The following UFD1 variants were observed in gnomAD, a reference collection of about 807,000 sequenced individuals.
UFD1 encodes ubiquitin recognition factor in ER associated degradation 1.
In UFD1, 13 loss-of-function variants were observed where a neutral mutation model predicts 45.9. The ratio of observed to expected loss-of-function variants is 0.28; its 90% CI spans 0.18 to 0.45. UFD1 has a LOEUF of 0.45. Ranked by LOEUF, UFD1 falls within the 20% of genes least tolerant of loss-of-function variation. The pLI is 1.00. For synonymous variants in UFD1, 128 were observed against 139.2 expected, an observed-to-expected ratio of 0.92 and a Z score of 0.56; for missense variants, 218 against 389.2, an observed-to-expected ratio of 0.56 and a Z score of 3.70.
rs1360436770 is a variant in UFD1, at chr22:19,456,811, G to C, written c.630+42C>G. On this transcript the variant is annotated intron_variant, in intron 8 of 11. Transcript: ENST00000263202. The stretch of plus-strand genomic sequence containing the variant: ...AGCCACTGCCAGGAACTCAAAAGCA[G>C]CATGCAGCAGGACAGCAAAGGACAC... The C allele has an allele frequency of 7.4e-6, 12 of 1,614,062 alleles. No homozygotes were observed. The East Asian group carries it at 2.7e-4, about 36-fold the overall frequency.
chr22:19,475,132 A>C, intron 2 of UFD1, 32 bp from the exon 3 acceptor site: 1 of 1,589,204 alleles, frequency 6.3e-7, no homozygotes, highest in Admixed American at 1.7e-5. Context: ...AATATTAAAA[A>C]ATAAAAATAA....
At chr22:19,451,413 C>A (rs2089681782) in intron 11 of UFD1, 2 of 985,254 alleles carry the variant, frequency 2.0e-6, no homozygotes, top group Non-Finnish European at 2.4e-6. Flanking sequence ...AAAGTGTGTA[C>A]ACACTTTTAA....
At chr22:19,456,169 C>T (rs1370689874) in intron 9 of UFD1, among the ~76,000 whole-genome samples, 1 of 152,196 alleles carries the variant, frequency 6.6e-6, no homozygotes, top group Admixed American at 6.5e-5. Context: ...CATGAACCAC[C>T]TCCACCTGTT....
chr22:19,470,143 G>A, intron 4 of UFD1: 1 of 451,362 alleles, frequency 2.2e-6, no homozygotes, highest in Non-Finnish European at 4.5e-6. Flanking sequence ...AATAGCAAGG[G>A]GCTGAGCAGC....
At chr22:19,457,601 T>C (rs1048473159) in intron 7 of UFD1, among the ~76,000 whole-genome samples, 2 of 151,952 alleles carry the variant, frequency 1.3e-5, no homozygotes, top group African/African-American at 2.4e-5. Flanking sequence ...TTACCTGAGG[T>C]CAGGAGTTTG....
intron 5 of UFD1, chr22:19,467,620 A>G (rs1022534898): frequency 8.7e-5 from 39 of 449,692 alleles, no homozygotes; most frequent in African/African-American, 7.3e-4. Context: ...ACACAGACCA[A>G]CTGAAAGAAG....
At chr22:19,457,942 C>T (rs548498928) in intron 7 of UFD1, 129 bp downstream of exon 7, 1 of 889,742 alleles carries the variant, frequency 1.1e-6, no homozygotes, top group Admixed American at 2.0e-5. Flanking sequence ...GTTCTGACAG[C>T]ATCTTCCTCC....
In UFD1 at chr22:19,454,787, T is replaced by C; in HGVS notation, c.811A>G (p.Ile271Val). 1 of 1,614,146 alleles carries C rather than the reference T, an allele frequency of 6.2e-7. No homozygotes were observed. The highest frequency in any genetic ancestry group is 8.5e-7 in the Non-Finnish European group (1 of 1,180,008). Residue 271 changes from isoleucine to valine, a missense_variant, in exon 11 of 12, where the codon ATC (isoleucine) becomes GTC (valine). This residue lies in a region of UFD1 where 69 missense variants were observed against 81.7 expected (regional missense o/e 0.84). Coordinates refer to ENST00000263202, the MANE Select transcript of UFD1 (RefSeq NM_005659.7). The stretch of plus-strand genomic sequence containing the variant: ...TTGACAAGGGGACGTGAATTTCTGA[T>C]GAAAGTTATCTTACCAAGTTTAAAT... The part of the protein sequence containing the change: ...YEFKLGKITF[I>V]RNSRPLVKKV...
At chr22:19,466,544 T>C (rs551700975) in intron 5 of UFD1, 10 of 152,376 alleles carry the variant, frequency 6.6e-5, no homozygotes, top group South Asian at 4.1e-4. Context: ...TAAGTCTGCA[T>C]TGGGGCAGGG....
intron 9 of UFD1, 117 bp downstream of exon 9, chr22:19,456,470 C>T: frequency 7.2e-7 from 1 of 1,383,844 alleles, no homozygotes; most frequent in Non-Finnish European, 1.0e-6. Context: ...GCACAGGTAC[C>T]CAGAGGCCTA....
At chr22:19,460,070 T>C (rs1339237031) in intron 6 of UFD1, among the ~76,000 whole-genome samples, 1 of 152,004 alleles carries the variant, frequency 6.6e-6, no homozygotes, top group African/African-American at 2.4e-5. Context: ...TTTTAAAAAG[T>C]CTGGATAGTC....
chr22:19,475,267 T>C (rs1051595649), intron 2 of UFD1, among the ~76,000 whole-genome samples, 167 bp from the exon 3 acceptor site: 2 of 152,224 alleles, frequency 1.3e-5, no homozygotes, highest in African/African-American at 2.4e-5. Flanking sequence ...TAATTTATTT[T>C]GGGAACTGAA....
At chr22:19,478,621 C>G (rs1016128618) in intron 1 of UFD1, 2 of 227,582 alleles carry the variant, frequency 8.8e-6, no homozygotes, top group Non-Finnish European at 1.7e-5. Context: ...TGTACAGATT[C>G]GAAGGCACGA....
chr22:19,466,847 G>A (rs1438570234), intron 5 of UFD1: 2 of 152,192 alleles, frequency 1.3e-5, no homozygotes, highest in Non-Finnish European at 2.9e-5. Context: ...AGTCTGCATT[G>A]CAACACATGT....
At chr22:19,464,196 G>A (rs1405092850) in intron 6 of UFD1, among the ~76,000 whole-genome samples, 1 of 152,232 alleles carries the variant, frequency 6.6e-6, no homozygotes, top group Non-Finnish European at 1.5e-5. Context: ...CACCAAGGGA[G>A]TAACTGGCTA....
At chr22:19,456,779 A>C (rs913206888) in intron 8 of UFD1, 74 bp downstream of exon 8, 241 of 1,613,204 alleles carry the variant, frequency 1.5e-4, no homozygotes, top group Non-Finnish European at 1.9e-4. Context: ...AGCAGAGGCC[A>C]CCCACGAGCC....
At chr22:19,469,732 A>G (rs1027742970) in intron 4 of UFD1, among the ~76,000 whole-genome samples, 9 of 152,232 alleles carry the variant, frequency 5.9e-5, no homozygotes, top group Non-Finnish European at 1.0e-4. Flanking sequence ...CCAAGACAGC[A>G]GATGGGGTAT....
intron 6 of UFD1, among the ~76,000 whole-genome samples, chr22:19,462,120 C>T (rs544679799): frequency 6.6e-6 from 1 of 152,242 alleles, no homozygotes; most frequent in South Asian, 2.1e-4. Flanking sequence ...CCACTTCAGC[C>T]TCCCAGGTAG....
Position 19,477,083 on chromosome 22 carries a change from C to T in UFD1, c.4-1481G>A, listed in dbSNP as rs576662311. ...TTAACAATTAATAATAAAACAATTA[C>T]AACAATATACTGTAATAAAAGTTAT... On this transcript the variant is annotated intron_variant, in intron 1 of 11. Coordinates refer to ENST00000263202, the MANE Select transcript of UFD1 (RefSeq NM_005659.7). Among the ~76,000 whole-genome samples, 520 of 148,236 alleles carry T rather than the reference C, an allele frequency of 3.5e-3. 3 individuals are homozygous for T. Among genetic ancestry groups the T allele is most frequent in the African/African-American group, 0.012 (486 of 40,172 alleles).
Sources: gnomAD v4.1 joint callset for allele counts (sites outside exome capture counted in the v4.1 genomes callset) on GRCh38, gnomAD v4.1.1 for gene constraint, gnomAD v4.1.1 regional missense constraint, MANE v1.5 for transcripts, NCBI Gene and HGNC (gene_info 2026-07-23, HGNC 2026-07-21) for gene names.